PRKCQ: variants seen among roughly 807,000 people sequenced by gnomAD.
PRKCQ encodes protein kinase C theta type.
A neutral mutation model predicts 91.2 loss-of-function variants in PRKCQ; 41 were observed. The observed-to-expected ratio is 0.45, with a 90% CI of 0.35 to 0.58. The LOEUF is 0.58. Among genes scored for constraint, PRKCQ ranks in the 20% least tolerant of loss-of-function variants. The probability of loss-of-function intolerance (pLI) is 0.00; values close to 1 mark genes in which losing one functional copy is unlikely to be tolerated. For synonymous variants in PRKCQ, 307 were observed against 316.9 expected, an observed-to-expected ratio of 0.97 and a Z score of 0.33; for missense variants, 673 against 896.5, an observed-to-expected ratio of 0.75 and a Z score of 3.18.
At chr10:6,439,077 CA>C (rs1280239304) in intron 16 of PRKCQ, among the ~76,000 whole-genome samples, 1 of 152,174 alleles carries the variant, frequency 6.6e-6, no homozygotes, top group Non-Finnish European at 1.5e-5. Flanking sequence ...TTCGCATCCT[CA>C]AAAAAGGCCA....
chr10:6,475,064 T>C (rs1836200133), intron 12 of PRKCQ, among the ~76,000 whole-genome samples: 1 of 152,224 alleles, frequency 6.6e-6, no homozygotes, highest in Non-Finnish European at 1.5e-5. Flanking sequence ...TGATCTACGT[T>C]AGACCCTGAG....
chr10:6,523,365 C>T (rs1290254089), intron 1 of PRKCQ, among the ~76,000 whole-genome samples: 1 of 152,130 alleles, frequency 6.6e-6, no homozygotes, highest in Non-Finnish European at 1.5e-5. Context: ...GTGGAAGGAT[C>T]ACTTGAGCCC....
chr10:6,466,898 A>C (rs899834227), intron 12 of PRKCQ, among the ~76,000 whole-genome samples: 2 of 152,180 alleles, frequency 1.3e-5, no homozygotes, highest in Admixed American at 6.5e-5. Context: ...CTTCATCCTT[A>C]CTCAGCCCTG....
the PRKCQ span, among the ~76,000 whole-genome samples, chr10:6,414,470 G>A: frequency 1.3e-5 from 2 of 151,946 alleles, no homozygotes; most frequent in Non-Finnish European, 2.9e-5. Context: ...ATGAGGAGGG[G>A]ACGAATCAAC....
the PRKCQ span, among the ~76,000 whole-genome samples, chr10:6,397,210 C>A: frequency 6.6e-6 from 1 of 152,104 alleles, no homozygotes; most frequent in East Asian, 1.9e-4. Flanking sequence ...GATTCTCTTG[C>A]GTCAGCCTCC....
chr10:6,556,046 T>G (rs1840400330), intron 1 of PRKCQ, among the ~76,000 whole-genome samples: 1 of 152,034 alleles, frequency 6.6e-6, no homozygotes, highest in Admixed American at 6.5e-5. Context: ...AAAACCAGGA[T>G]ATGGTTTAGG....
At chr10:6,436,933 C>T (rs115875027) in intron 16 of PRKCQ, among the ~76,000 whole-genome samples, 2,979 of 152,234 alleles carry the variant, frequency 0.02, 114 homozygotes, top group African/African-American at 0.069. Flanking sequence ...TATTGCATAT[C>T]CTCAAGGTAG....
At chr10:6,525,323 A>T (rs918279497) in intron 1 of PRKCQ, among the ~76,000 whole-genome samples, 1 of 152,174 alleles carries the variant, frequency 6.6e-6, no homozygotes, top group African/African-American at 2.4e-5. Context: ...CATGCCTGTA[A>T]TCCCAGAATT....
At chr10:6,555,115 T>C (rs943447) in intron 1 of PRKCQ, among the ~76,000 whole-genome samples, 68,683 of 150,642 alleles carry the variant, frequency 0.46, 18,950 homozygotes, top group Admixed American at 0.61. Flanking sequence ...CGATAGATAC[T>C]GGGGACAAGT....
At chr10:6,531,533 A>G (rs1220618432) in intron 1 of PRKCQ, among the ~76,000 whole-genome samples, 2 of 151,318 alleles carry the variant, frequency 1.3e-5, no homozygotes, top group Admixed American at 1.3e-4. Flanking sequence ...TTCTAAATAA[A>G]TGGCAATGCC....
chr10:6,407,567 G>A, the PRKCQ span, among the ~76,000 whole-genome samples: 50 of 152,048 alleles, frequency 3.3e-4, no homozygotes, highest in African/African-American at 8.4e-4. The surrounding 1 kb of genome is among the most constrained non-coding windows in gnomAD (Gnocchi z 4.0). Flanking sequence ...TGTGTATGGC[G>A]TGTGAATGTG....
intron 17 of PRKCQ, among the ~76,000 whole-genome samples, chr10:6,429,785 G>C (rs1833317158): frequency 6.9e-6 from 1 of 145,158 alleles, no homozygotes; most frequent in Non-Finnish European, 1.5e-5. Context: ...CACCAGGCTG[G>C]AGTGCAGTGG....
In PRKCQ at chr10:6,503,185, AG is replaced by A. The variant is rs200448079; in HGVS notation, c.379+4250del. The stretch of plus-strand genomic sequence containing the variant: ...AATGCCAGAAAGTGGGCTAATAAAT[AG>A]GGTAAAAGAGAAACTGGACTAAAGG... On this transcript the variant is annotated intron_variant, in intron 4 of 17. Coordinates refer to ENST00000263125, the MANE Select transcript of PRKCQ (RefSeq NM_006257.5). Among the ~76,000 whole-genome samples the A allele has an allele frequency of 9.6e-3, 1,459 of 152,322 alleles. 9 individuals are homozygous for A. The highest frequency in any genetic ancestry group is 0.015 in the Non-Finnish European group (1,053 of 68,030).
intron 2 of PRKCQ, among the ~76,000 whole-genome samples, chr10:6,512,993 T>C (rs1215531485): frequency 1.3e-5 from 2 of 152,186 alleles, no homozygotes; most frequent in African/African-American, 4.8e-5. Context: ...TTCCTTTTGA[T>C]GGTAACCATT....
At chr10:6,394,179 T>A in the PRKCQ span, among the ~76,000 whole-genome samples, 1 of 152,250 alleles carries the variant, frequency 6.6e-6, no homozygotes, top group Non-Finnish European at 1.5e-5. Context: ...CGTTCATTCC[T>A]TATCTTTGGT....
At chr10:6,520,953 ACTC>A (rs1191439538) in intron 1 of PRKCQ, among the ~76,000 whole-genome samples, 1 of 151,626 alleles carries the variant, frequency 6.6e-6, no homozygotes, top group Non-Finnish European at 1.5e-5. Context: ...TTCAGCAAAA[ACTC>A]CTCAGAACGA....
intron 1 of PRKCQ, among the ~76,000 whole-genome samples, chr10:6,579,649 CTTTT>C (rs5782914): frequency 0.19 from 24,762 of 132,036 alleles, 2,217 homozygotes; most frequent in Non-Finnish European, 0.22. Context: ...GCAGATTTTT[CTTTT>C]TTTTTTTTTT....
At position 6,491,927 on chromosome 10, in the gene PRKCQ, T is replaced by C; in HGVS notation, c.661-115A>G. 3 of 1,439,070 alleles carry C rather than the reference T, an allele frequency of 2.1e-6. 1 individual carries two copies. The South Asian group carries it at 3.8e-5, about 18-fold the overall frequency. The allele number at this position is 1,439,070 out of a possible 1,614,324, so 89.1% of individuals were successfully genotyped here. A position where few individuals can be genotyped will look rare whatever the true frequency, so the allele number is the denominator to read the frequency against. ...TCATAATGAAAACACTGGCATTGTGTGCATTTTAAACCATCATTGTCACTT... is the reference window on the plus strand; with the variant it reads ...TCATAATGAAAACACTGGCATTGTGCGCATTTTAAACCATCATTGTCACTT... On this transcript the variant is annotated intron_variant, in intron 7 of 17. Coordinates refer to ENST00000263125, the MANE Select transcript of PRKCQ (RefSeq NM_006257.5).
chr10:6,508,771 A>C (rs1181445585), intron 3 of PRKCQ, among the ~76,000 whole-genome samples: 1 of 152,232 alleles, frequency 6.6e-6, no homozygotes, highest in East Asian at 1.9e-4. Context: ...TTCAGTACTT[A>C]GTAGTGATGG....
Sources: allele counts gnomAD v4.1 joint callset (sites outside exome capture counted in the v4.1 genomes callset), GRCh38; gene constraint gnomAD v4.1.1; non-coding constraint Gnocchi (gnomAD v3.1); transcripts MANE v1.5; gene names NCBI Gene and HGNC (gene_info 2026-07-23, HGNC 2026-07-21).